Variants in NLGN1 observed in about 807,000 individuals in gnomAD.
NLGN1 encodes the protein neuroligin-1.
In NLGN1, 12 loss-of-function variants were observed where a neutral mutation model predicts 65.5. The ratio of observed to expected loss-of-function variants is 0.18; its 90% confidence interval spans 0.12 to 0.30. The LOEUF (loss-of-function observed/expected upper bound fraction) is 0.30, where lower values mean the gene tolerates loss of function less well. Among genes scored for constraint, NLGN1 ranks in the 10% least tolerant of loss-of-function variants. NLGN1 has a pLI of 1.00. For synonymous variants in NLGN1, 350 were observed against 359.5 expected (o/e 0.97, Z 0.30); for missense variants, 750 against 1,007.1 (o/e 0.74, Z 3.46).
intron 2 of NLGN1, among the ~76,000 whole-genome samples, chr3:173,499,240 A>G (rs6809262): frequency 0.48 from 72,209 of 151,574 alleles, 19,847 homozygotes; most frequent in East Asian, 0.81. Flanking sequence ...TATAAGGTAT[A>G]AGGAAGGGAT....
chr3:173,871,235 T>C (rs1049288351), intron 4 of NLGN1, among the ~76,000 whole-genome samples: 1 of 152,202 alleles, frequency 6.6e-6, no homozygotes, highest in African/African-American at 2.4e-5. Context: ...TGTGCCTCTT[T>C]ATCTGGCTGT....
chr3:173,516,480 C>G (rs1304895328), intron 2 of NLGN1, among the ~76,000 whole-genome samples: 2 of 152,026 alleles, frequency 1.3e-5, no homozygotes, highest in Non-Finnish European at 2.9e-5. Flanking sequence ...TGGTATATCA[C>G]TCCTCTTGAA....
intron 4 of NLGN1, among the ~76,000 whole-genome samples, chr3:174,185,554 C>T (rs2152752087): frequency 6.6e-6 from 1 of 152,170 alleles, no homozygotes; most frequent in Admixed American, 6.6e-5. Context: ...GATGTATTAG[C>T]ATCCATATAC....
At chr3:173,798,182 A>G (rs1221424494) in intron 3 of NLGN1, among the ~76,000 whole-genome samples, 1 of 152,138 alleles carries the variant, frequency 6.6e-6, no homozygotes, top group African/African-American at 2.4e-5. Flanking sequence ...TGATTTCTTA[A>G]TATAGCCAAG....
chr3:174,281,314 G>C, exon 7 of NLGN1: 1 of 1,563,352 alleles, frequency 6.4e-7, no homozygotes. Flanking sequence ...CCAGATAAGA[G>C]AAACAAACTA....
chr3:174,265,500 C>G (rs746798462), intron 4 of NLGN1, among the ~76,000 whole-genome samples: 1 of 152,036 alleles, frequency 6.6e-6, no homozygotes, highest in Non-Finnish European at 1.5e-5. Flanking sequence ...TGACGCCTTG[C>G]GCTTCCCAAG....
At chr3:173,900,513 C>T (rs1251040071) in intron 4 of NLGN1, among the ~76,000 whole-genome samples, 2 of 151,986 alleles carry the variant, frequency 1.3e-5, no homozygotes, top group African/African-American at 2.4e-5. Flanking sequence ...CCTTTAATTA[C>T]TTTTCTTATA....
chr3:173,913,125 G>A (rs1172258417), intron 4 of NLGN1, among the ~76,000 whole-genome samples: 5 of 152,120 alleles, frequency 3.3e-5, no homozygotes, highest in Non-Finnish European at 5.9e-5. Context: ...AAACACTTTT[G>A]TGCATGTTCT....
intron 4 of NLGN1, among the ~76,000 whole-genome samples, chr3:174,142,438 C>T (rs9832051): frequency 2.0e-5 from 3 of 151,846 alleles, no homozygotes; most frequent in South Asian, 2.1e-4. Context: ...ATGTATAAGT[C>T]GTTCTCAATG....
intron 4 of NLGN1, among the ~76,000 whole-genome samples, chr3:173,973,029 T>C (rs556761288): frequency 1.3e-5 from 2 of 152,234 alleles, no homozygotes; most frequent in East Asian, 1.9e-4. Context: ...TTATTGTCTT[T>C]TGCAAATTAC....
At chr3:174,209,817 G>A (rs1169725004) in intron 4 of NLGN1, among the ~76,000 whole-genome samples, 1 of 151,606 alleles carries the variant, frequency 6.6e-6, no homozygotes, top group African/African-American at 2.4e-5. Flanking sequence ...ATTTGTGGTA[G>A]GGACGGGGTT....
At chr3:174,294,348 CAAAT>C in the NLGN1 span, among the ~76,000 whole-genome samples, 8 of 151,774 alleles carry the variant, frequency 5.3e-5, no homozygotes, top group African/African-American at 7.2e-5. Flanking sequence ...TCTCTATAGA[CAAAT>C]AAAATCAGTA....
At chr3:174,291,502 C>T (rs1256564281), downstream of NLGN1, among the ~76,000 whole-genome samples, 1 of 151,130 alleles carries the variant, frequency 6.6e-6, no homozygotes, top group Non-Finnish European at 1.5e-5. Context: ...GCTAAAATCA[C>T]CAAATCTCTT....
chr3:173,553,681 A>T (rs1022076309), intron 2 of NLGN1, among the ~76,000 whole-genome samples: 1 of 152,246 alleles, frequency 6.6e-6, no homozygotes, highest in Non-Finnish European at 1.5e-5. Flanking sequence ...ATATGTGACA[A>T]GTGAAAAGAG....
intron 3 of NLGN1, among the ~76,000 whole-genome samples, chr3:173,750,567 T>G (rs1435852571): frequency 6.6e-6 from 1 of 152,110 alleles, no homozygotes; most frequent in Non-Finnish European, 1.5e-5. Flanking sequence ...TGAACACAGG[T>G]ACAAGTAGTA....
chr3:173,692,261 G>A lies in NLGN1; in HGVS notation c.493+87170G>A, dbSNP rs527485604. ...TTCTGCTGGTAGATGTTATGACATCGCTTACTTATGTAGTCACCGTCTCCT... is the reference window on the plus strand; with the variant it reads ...TTCTGCTGGTAGATGTTATGACATCACTTACTTATGTAGTCACCGTCTCCT... On this transcript the variant is annotated intron_variant, in intron 3 of 6. Transcript: ENST00000457714. Among the ~76,000 whole-genome samples, 9 of 152,108 alleles carry A rather than the reference G, an allele frequency of 5.9e-5. No individual in the cohort carries two copies. In the East Asian group the frequency reaches 1.4e-3, roughly 23 times the overall value.
chr3:174,257,150 TA>T (rs1156257430), intron 4 of NLGN1, among the ~76,000 whole-genome samples: 3 of 151,822 alleles, frequency 2.0e-5, no homozygotes, highest in Non-Finnish European at 2.9e-5. Flanking sequence ...CAAACATATA[TA>T]AAAAAGCTCA....
chr3:173,674,493 T>C (rs1002801626), intron 3 of NLGN1, among the ~76,000 whole-genome samples: 1 of 152,268 alleles, frequency 6.6e-6, no homozygotes, highest in Admixed American at 6.5e-5. Flanking sequence ...ATCAGTATGC[T>C]ATATCTTGGG....
intron 4 of NLGN1, among the ~76,000 whole-genome samples, chr3:174,225,441 G>C (rs1315717712): frequency 6.6e-6 from 1 of 152,024 alleles, no homozygotes; most frequent in African/African-American, 2.4e-5. Context: ...TGTAATATTA[G>C]ATTATTCTGG....
Sources: allele counts gnomAD v4.1 joint callset (sites outside exome capture counted in the v4.1 genomes callset), GRCh38; gene constraint gnomAD v4.1.1; transcripts MANE v1.5; gene names NCBI Gene and HGNC (gene_info 2026-07-23, HGNC 2026-07-21).